Variants in BABAM2 observed in about 807,000 individuals in gnomAD.
BABAM2 encodes BRISC and BRCA1-A complex member 2.
A neutral mutation model predicts 54.7 loss-of-function variants in BABAM2; 31 were observed. The observed-to-expected ratio is 0.57, with a 90% confidence interval of 0.43 to 0.77. BABAM2 has a LOEUF of 0.77. Ranked by LOEUF, BABAM2 falls within the 30% of genes least tolerant of loss-of-function variation. The probability of loss-of-function intolerance (pLI) is 0.00; values close to 1 mark genes in which losing one functional copy is unlikely to be tolerated. For synonymous variants in BABAM2, 167 were observed against 162.9 expected, an observed-to-expected ratio of 1.03 and a Z score of -0.19; for missense variants, 364 against 455.8, an observed-to-expected ratio of 0.80 and a Z score of 1.83.
intron 4 of BABAM2, among the ~76,000 whole-genome samples, chr2:28,011,902 A>AG (rs1247798011): frequency 6.6e-6 from 1 of 152,176 alleles, no homozygotes; most frequent in East Asian, 1.9e-4. Context: ...GTGCCAGCAA[A>AG]GGGTCACTAA....
intron 4 of BABAM2, among the ~76,000 whole-genome samples, chr2:27,988,864 C>G (rs1042144538): frequency 2.0e-5 from 3 of 151,958 alleles, no homozygotes; most frequent in African/African-American, 7.3e-5. Context: ...TATAGTTGTT[C>G]AAAACTATAC....
At chr2:27,987,550 C>T (rs768742907) in intron 3 of BABAM2, among the ~76,000 whole-genome samples, 4 of 152,112 alleles carry the variant, frequency 2.6e-5, no homozygotes, top group South Asian at 2.1e-4. Flanking sequence ...GATAGTGGCT[C>T]ACACCTATAA....
intron 7 of BABAM2, among the ~76,000 whole-genome samples, chr2:28,184,263 C>CCTCTCTCTCTCTCTCT (rs757881813): frequency 1.7e-5 from 1 of 59,398 alleles, no homozygotes; most frequent in Non-Finnish European, 3.1e-5. Flanking sequence ...TCCCTCCCTC[C>CCTCTCTCTCTCTCTCT]CTCTCTCTCT....
rs539640831 is a variant in BABAM2 at position 28,071,971 on chromosome 2, G to A, written c.570+26172G>A. On this transcript the variant is annotated intron_variant, in intron 6 of 11. Coordinates refer to ENST00000379624, the MANE Select transcript of BABAM2 (RefSeq NM_199191.3). ...TGCCAAGATGTTTGAAATTCATTTT[G>A]TATATTTCATGACCCAAATCTGAAA... Among the ~76,000 whole-genome samples the A allele has an allele frequency of 4.6e-5, 7 of 152,194 alleles. No individual in the cohort carries two copies. In the South Asian group the frequency reaches 6.2e-4, roughly 14 times the overall value.
At chr2:28,209,361 A>G (rs944563876) in intron 7 of BABAM2, among the ~76,000 whole-genome samples, 3 of 152,186 alleles carry the variant, frequency 2.0e-5, no homozygotes, top group Non-Finnish European at 4.4e-5. Flanking sequence ...GCAATCTGCT[A>G]GGATTGTCAT....
At chr2:28,150,142 T>C (rs1267546305) in intron 7 of BABAM2, among the ~76,000 whole-genome samples, 3 of 152,186 alleles carry the variant, frequency 2.0e-5, no homozygotes, top group Admixed American at 2.0e-4. Context: ...CATTTCATCC[T>C]TGCAAAAACC....
chr2:28,259,259 T>C (rs1022891396), intron 10 of BABAM2, among the ~76,000 whole-genome samples: 2 of 150,742 alleles, frequency 1.3e-5, no homozygotes, highest in African/African-American at 4.9e-5. Context: ...AGCTAATTTT[T>C]GTATTTTTGG....
At chr2:27,953,490 A>G (rs1191852438) in intron 3 of BABAM2, among the ~76,000 whole-genome samples, 2 of 151,190 alleles carry the variant, frequency 1.3e-5, no homozygotes, top group East Asian at 2.0e-4. Flanking sequence ...CAGAGTCTCT[A>G]TATGTTGCCC....
At chr2:28,321,953 A>C (rs925670555) in intron 11 of BABAM2, among the ~76,000 whole-genome samples, 5 of 152,092 alleles carry the variant, frequency 3.3e-5, no homozygotes, top group South Asian at 2.1e-4. Flanking sequence ...AAAAAAAAAA[A>C]AAACTAGATC....
At chr2:28,071,770 T>C (rs1664164249) in intron 6 of BABAM2, among the ~76,000 whole-genome samples, 1 of 152,214 alleles carries the variant, frequency 6.6e-6, no homozygotes, top group African/African-American at 2.4e-5. Context: ...TCCTTCCAAG[T>C]TGACTATTTA....
intron 7 of BABAM2, among the ~76,000 whole-genome samples, chr2:28,160,734 TG>T (rs1322108192): frequency 2.4e-4 from 30 of 123,136 alleles, no homozygotes; most frequent in Non-Finnish European, 3.9e-4. Flanking sequence ...ACATATAAAT[TG>T]TTTTTTTTTT....
At chr2:28,162,150 A>G (rs72814502) in intron 7 of BABAM2, among the ~76,000 whole-genome samples, 33,218 of 152,224 alleles carry the variant, frequency 0.22, 4,615 homozygotes, top group Middle Eastern at 0.32. Flanking sequence ...TTATTTAGAA[A>G]CTTGAAATAC....
intron 3 of BABAM2, among the ~76,000 whole-genome samples, chr2:27,959,757 A>T (rs1670337692): frequency 1.3e-5 from 2 of 151,998 alleles, no homozygotes; most frequent in Admixed American, 1.3e-4. Flanking sequence ...TCATCAACTT[A>T]CATTTAAACT....
chr2:27,967,810 A>C (rs1027261666), intron 3 of BABAM2, among the ~76,000 whole-genome samples: 4 of 152,194 alleles, frequency 2.6e-5, no homozygotes, highest in Non-Finnish European at 4.4e-5. Flanking sequence ...GTTTTAGCAA[A>C]GAGATTGGCG....
At chr2:28,315,211 C>T (rs1334470024) in intron 11 of BABAM2, among the ~76,000 whole-genome samples, 2 of 151,970 alleles carry the variant, frequency 1.3e-5, no homozygotes, top group Non-Finnish European at 2.9e-5. Flanking sequence ...AGTCCTTGTT[C>T]AACCACTGTC....
chr2:28,108,289 T>A (rs1350241329), intron 6 of BABAM2, among the ~76,000 whole-genome samples: 1 of 152,192 alleles, frequency 6.6e-6, no homozygotes, highest in East Asian at 1.9e-4. Context: ...AGAACTTGTC[T>A]CATTCAAGTT....
chr2:28,205,085 G>A (rs1327226522), intron 7 of BABAM2, among the ~76,000 whole-genome samples: 1 of 151,456 alleles, frequency 6.6e-6, no homozygotes, highest in East Asian at 1.9e-4. Flanking sequence ...TGTCCTAGAT[G>A]GTCATTCATG....
chr2:28,312,299 GA>G (rs1308504010), intron 11 of BABAM2, among the ~76,000 whole-genome samples: 3 of 152,196 alleles, frequency 2.0e-5, no homozygotes, highest in Non-Finnish European at 2.9e-5. Context: ...CTGTGAAAAT[GA>G]ACTAGATTCA....
intron 5 of BABAM2, among the ~76,000 whole-genome samples, chr2:28,043,225 G>C (rs1677271858): frequency 6.6e-6 from 1 of 150,996 alleles, no homozygotes; most frequent in Admixed American, 6.6e-5. Flanking sequence ...GCCTCCTCCT[G>C]GTTCAAGGGA....
Sources: allele counts gnomAD v4.1 joint callset (sites outside exome capture counted in the v4.1 genomes callset), GRCh38; gene constraint gnomAD v4.1.1; transcripts MANE v1.5; gene names NCBI Gene and HGNC (gene_info 2026-07-23, HGNC 2026-07-21).